PRKCB: variants seen among roughly 807,000 people sequenced by gnomAD.
The protein encoded by PRKCB is protein kinase C beta type.
In PRKCB, 13 loss-of-function variants were observed where a neutral mutation model predicts 81.5. The ratio of observed to expected loss-of-function variants is 0.16; its 90% CI spans 0.10 to 0.25. PRKCB has a LOEUF of 0.25. Among genes scored for constraint, PRKCB ranks in the 10% least tolerant of loss-of-function variants. PRKCB has a pLI of 1.00. For synonymous variants in PRKCB, 335 were observed against 321.4 expected (o/e 1.04, Z -0.45); for missense variants, 509 against 875.7 (o/e 0.58, Z 5.29).
intron 2 of PRKCB, among the ~76,000 whole-genome samples, chr16:23,918,349 A>G (rs541224017): frequency 2.0e-5 from 3 of 152,204 alleles, no homozygotes; most frequent in East Asian, 1.9e-4. Flanking sequence ...TTAAGTTTCC[A>G]TTATTAAAGA....
intron 2 of PRKCB, among the ~76,000 whole-genome samples, chr16:23,895,437 G>C (rs994517431): frequency 6.6e-6 from 1 of 151,848 alleles, no homozygotes; most frequent in Non-Finnish European, 1.5e-5. Context: ...ACTCTTCCTA[G>C]TTTCTTGAGC....
At chr16:24,006,376 G>A (rs906784856) in intron 3 of PRKCB, among the ~76,000 whole-genome samples, 4 of 152,306 alleles carry the variant, frequency 2.6e-5, no homozygotes, top group African/African-American at 9.6e-5. Flanking sequence ...GCAGGCTAAC[G>A]AAGAACAGCC....
At chr16:24,001,441 A>G (rs1357092232) in intron 3 of PRKCB, among the ~76,000 whole-genome samples, 1 of 152,230 alleles carries the variant, frequency 6.6e-6, no homozygotes, top group Non-Finnish European at 1.5e-5. Flanking sequence ...ATTAAAAATC[A>G]TAAACTTGTT....
chr16:23,932,552 G>T, intron 2 of PRKCB, among the ~76,000 whole-genome samples: 1 of 152,224 alleles, frequency 6.6e-6, no homozygotes, highest in East Asian at 1.9e-4. Flanking sequence ...TCTGGGGACT[G>T]GGAGTTAGCA....
chr16:24,059,368 G>A (rs1465312101), intron 5 of PRKCB, among the ~76,000 whole-genome samples: 1 of 152,058 alleles, frequency 6.6e-6, no homozygotes, highest in African/African-American at 2.4e-5. Context: ...TAAAAATAAT[G>A]CTTTTAAGTC....
chr16:24,152,003 C>T (rs749795657), intron 9 of PRKCB: 25 of 425,430 alleles, frequency 5.9e-5, no homozygotes, highest in Non-Finnish European at 1.0e-4. Context: ...GCCCCTCCTT[C>T]TCTCGTTTTG....
chr16:23,973,934 G>A (rs1185467232), intron 2 of PRKCB, among the ~76,000 whole-genome samples: 2 of 152,224 alleles, frequency 1.3e-5, no homozygotes, highest in Non-Finnish European at 2.9e-5. Flanking sequence ...GCCTCCCAAA[G>A]TGCTGGGATT....
intron 5 of PRKCB, among the ~76,000 whole-genome samples, chr16:24,054,083 C>T (rs1237121746): frequency 2.0e-5 from 3 of 151,908 alleles, no homozygotes; most frequent in African/African-American, 7.3e-5. Context: ...AGCAATCCTC[C>T]TGCCTCAGCC....
chr16:23,943,791 A>G (rs1964169403), intron 2 of PRKCB, among the ~76,000 whole-genome samples: 1 of 152,192 alleles, frequency 6.6e-6, no homozygotes, highest in Non-Finnish European at 1.5e-5. Flanking sequence ...TTTCACAGAT[A>G]CCATCAAGCC....
intron 3 of PRKCB, among the ~76,000 whole-genome samples, chr16:24,008,635 C>T (rs969270265): frequency 6.6e-6 from 1 of 152,198 alleles, no homozygotes; most frequent in African/African-American, 2.4e-5. Flanking sequence ...TAACCACTAC[C>T]AGACCAGCAA....
chr16:24,196,099 A>G (rs1233924847), intron 16 of PRKCB, among the ~76,000 whole-genome samples: 1 of 152,182 alleles, frequency 6.6e-6, no homozygotes, highest in African/African-American at 2.4e-5. Flanking sequence ...AATTCATCAC[A>G]GGCTGTAATA....
intron 16 of PRKCB, among the ~76,000 whole-genome samples, chr16:24,209,762 C>T (rs1212352774): frequency 6.6e-6 from 1 of 152,062 alleles, no homozygotes. Flanking sequence ...ACTATTGTCC[C>T]CCGCTCATTT....
At position 23,836,185 on chromosome 16, in the gene PRKCB, C is replaced by G. The variant is rs1012485614; in HGVS notation, c.10C>G (p.Pro4Ala). The G allele has an allele frequency of 5.1e-6, 8 of 1,562,600 alleles. No individual in the cohort carries two copies. The highest frequency in any genetic ancestry group is 6.0e-6 in the Non-Finnish European group (7 of 1,157,876). The change falls in exon 1 of 17, where the codon CCG (proline) becomes GCG (alanine). Residue 4 changes from proline to alanine, a missense_variant. This residue lies in a region of PRKCB where 33 missense variants were observed against 21.9 expected (regional missense o/e 1.50). Coordinates refer to ENST00000643927, the MANE Select transcript of PRKCB (RefSeq NM_002738.7). ...GCTCCCCGCGCGCAAGATGGCTGAC[C>G]CGGCTGCGGGGCCGCCGCCGAGCGA... Reference protein sequence around the residue: MADPAAGPPPSEGE... With the variant: MADAAAGPPPSEGE...
chr16:23,927,539 C>T (rs145848986), intron 2 of PRKCB, among the ~76,000 whole-genome samples: 53 of 152,072 alleles, frequency 3.5e-4, no homozygotes, highest in African/African-American at 1.2e-3. Flanking sequence ...CTCTGGCTGC[C>T]GTTAAAAATG....
intron 2 of PRKCB, among the ~76,000 whole-genome samples, chr16:23,958,347 C>T (rs1161157097): frequency 6.6e-6 from 1 of 150,794 alleles, no homozygotes; most frequent in Non-Finnish European, 1.5e-5. Context: ...CTCTGTCACC[C>T]AGGTGGGAGT....
intron 2 of PRKCB, among the ~76,000 whole-genome samples, chr16:23,897,810 C>G (rs1963403155): frequency 6.6e-6 from 1 of 152,178 alleles, no homozygotes; most frequent in Non-Finnish European, 1.5e-5. Context: ...TCTGCCATTT[C>G]TCTTTCCCTC....
chr16:24,160,104 C>T (rs1307398431), intron 10 of PRKCB, among the ~76,000 whole-genome samples: 1 of 151,970 alleles, frequency 6.6e-6, no homozygotes, highest in African/African-American at 2.4e-5. Flanking sequence ...AAACTGACCC[C>T]CAGAAAGATG....
At chr16:23,857,735 G>GA (rs1962594826) in intron 2 of PRKCB, among the ~76,000 whole-genome samples, 1 of 148,052 alleles carries the variant, frequency 6.8e-6, no homozygotes, top group South Asian at 2.1e-4. Context: ...TGTGTGTGTG[G>GA]GTGTGTGCGC....
At chr16:24,185,293 C>A in intron 14 of PRKCB, 102 bp downstream of exon 14, 5 of 1,287,712 alleles carry the variant, frequency 3.9e-6, no homozygotes, top group East Asian at 2.3e-5. Flanking sequence ...TAAATTGGAA[C>A]CTCTATGACT....
Sources: gnomAD v4.1 joint callset for allele counts (sites outside exome capture counted in the v4.1 genomes callset) on GRCh38, gnomAD v4.1.1 for gene constraint, gnomAD v4.1.1 regional missense constraint, MANE v1.5 for transcripts, NCBI Gene and HGNC (gene_info 2026-07-23, HGNC 2026-07-21) for gene names.